Variants in THSD7A observed in about 807,000 individuals in gnomAD.
THSD7A encodes the protein thrombospondin type-1 domain-containing protein 7A.
Under a neutral mutation model 231.3 loss-of-function variants are expected in THSD7A, and 96 were observed. The observed-to-expected ratio is 0.41, with a 90% CI of 0.35 to 0.49. The LOEUF is 0.49. Ranked by LOEUF, THSD7A falls within the 20% of genes least tolerant of loss-of-function variation. The probability of loss-of-function intolerance (pLI) is 0.05; values close to 1 mark genes in which losing one functional copy is unlikely to be tolerated. For missense variants in THSD7A, 2,290 were observed against 2,070.2 expected, an observed-to-expected ratio of 1.11 and a Z score of -2.06; for synonymous variants, 940 against 743.3, an observed-to-expected ratio of 1.26 and a Z score of -4.30.
At chr7:11,563,272 T>C (rs16) in intron 4 of THSD7A, among the ~76,000 whole-genome samples, 85,382 of 152,064 alleles carry the variant, frequency 0.56, 24,280 homozygotes, top group Middle Eastern at 0.67. Flanking sequence ...ATATTTAAAA[T>C]AATGCTTGAG....
chr7:11,541,209 A>T (rs369689878), intron 6 of THSD7A, among the ~76,000 whole-genome samples: 2 of 152,298 alleles, frequency 1.3e-5, no homozygotes, highest in Admixed American at 6.5e-5. Flanking sequence ...TTATTTTGTT[A>T]CTATTCATGG....
chr7:11,546,157 G>C (rs911416043), intron 4 of THSD7A, among the ~76,000 whole-genome samples: 10 of 141,018 alleles, frequency 7.1e-5, no homozygotes, highest in African/African-American at 2.6e-4. Context: ...TTGTGCCAGG[G>C]CCCACCACCC....
intron 1 of THSD7A, among the ~76,000 whole-genome samples, chr7:11,684,491 G>T (rs935830539): frequency 6.6e-6 from 1 of 150,826 alleles, no homozygotes; most frequent in Non-Finnish European, 1.5e-5. Flanking sequence ...AAGCCCTAAA[G>T]ATTCCACTGT....
intron 1 of THSD7A, among the ~76,000 whole-genome samples, chr7:11,664,231 T>C (rs1187744320): frequency 6.6e-6 from 1 of 151,870 alleles, no homozygotes; most frequent in African/African-American, 2.4e-5. Flanking sequence ...AATAGAGTTC[T>C]TGAAGTACCT....
intron 1 of THSD7A, among the ~76,000 whole-genome samples, chr7:11,817,354 G>A (rs1388120245): frequency 6.6e-6 from 1 of 152,290 alleles, no homozygotes; most frequent in South Asian, 2.1e-4. Flanking sequence ...AGCATTGCCT[G>A]CATGGCTAAG....
chr7:11,437,297 C>T (rs758240673), intron 13 of THSD7A, among the ~76,000 whole-genome samples: 3 of 152,084 alleles, frequency 2.0e-5, no homozygotes, highest in Admixed American at 2.0e-4. Context: ...TCCCTCATCA[C>T]CTCCTCTGTG....
chr7:11,391,883 G>T (rs568819682), intron 23 of THSD7A, among the ~76,000 whole-genome samples: 2 of 152,134 alleles, frequency 1.3e-5, no homozygotes, highest in South Asian at 4.1e-4. Context: ...CCCAGGTGAG[G>T]CAATGCCCCA....
intron 6 of THSD7A, among the ~76,000 whole-genome samples, chr7:11,530,034 C>A (rs1788637700): frequency 6.6e-6 from 1 of 152,126 alleles, no homozygotes; most frequent in Non-Finnish European, 1.5e-5. Flanking sequence ...ATTTAAGGAA[C>A]TTGCCAAATA....
At chr7:11,820,196 C>T in intron 1 of THSD7A, 1 of 334,636 alleles carries the variant, frequency 3.0e-6, no homozygotes, top group Non-Finnish European at 5.6e-6. Context: ...ATCTGCATGG[C>T]TGGTGAGGGG....
At chr7:11,825,223 C>A (rs28536169) in intron 1 of THSD7A, among the ~76,000 whole-genome samples, 1 of 151,982 alleles carries the variant, frequency 6.6e-6, no homozygotes, top group Non-Finnish European at 1.5e-5. Flanking sequence ...CACGGTAGTA[C>A]GTACTTTCTA....
intron 1 of THSD7A, among the ~76,000 whole-genome samples, chr7:11,668,083 T>G (rs946286499): frequency 2.6e-5 from 4 of 152,122 alleles, no homozygotes; most frequent in Non-Finnish European, 5.9e-5. Flanking sequence ...ACCTGTCTTT[T>G]AAGCCTAGTG....
chr7:11,750,892 TAGAGTC>T (rs1301703016), intron 1 of THSD7A, among the ~76,000 whole-genome samples: 1 of 152,004 alleles, frequency 6.6e-6, no homozygotes, highest in Non-Finnish European at 1.5e-5. Context: ...TACTAGACAA[TAGAGTC>T]AAAGAGTCAC....
intron 6 of THSD7A, among the ~76,000 whole-genome samples, chr7:11,519,747 T>A (rs181461305): frequency 3.0e-4 from 45 of 152,330 alleles, no homozygotes; most frequent in Admixed American, 1.9e-3. Flanking sequence ...ATACCGATTT[T>A]AATAGTGTTC....
intron 6 of THSD7A, among the ~76,000 whole-genome samples, chr7:11,505,688 A>G (rs1787515285): frequency 6.6e-6 from 1 of 152,222 alleles, no homozygotes; most frequent in Non-Finnish European, 1.5e-5. Context: ...ATAAGAATGC[A>G]TACAACATTG....
chr7:11,415,394 T>C (rs144655127), intron 17 of THSD7A, among the ~76,000 whole-genome samples: 2,261 of 152,290 alleles, frequency 0.015, 68 homozygotes, highest in African/African-American at 0.051. Flanking sequence ...AACAAGGACA[T>C]ACCAATTATA....
rs1160136162 is a variant in THSD7A at position 11,444,562 on chromosome 7, T to A, written c.3064+1499A>T. On this transcript the variant is annotated intron_variant, in intron 13 of 27. Transcript: ENST00000423059. This position sits in a 1 kb window ranked among gnomAD's most constrained non-coding sequence, Gnocchi z 4.2. The stretch of plus-strand genomic sequence containing the variant: ...GTGAAAGTTGAACAATAAGAACACA[T>A]GGGCACAGGGAGGGGAACATCACAC... Among the ~76,000 whole-genome samples, 1 of 151,388 alleles carries A rather than the reference T, an allele frequency of 6.6e-6. No homozygotes were observed. The highest frequency in any genetic ancestry group is 6.6e-5 in the Admixed American group (1 of 15,172).
chr7:11,444,446 T>C lies in THSD7A; in HGVS notation c.3064+1615A>G, dbSNP rs183184233. Among the ~76,000 whole-genome samples the C allele has an allele frequency of 9.2e-5, 14 of 152,140 alleles. No individual in the cohort carries two copies. The highest frequency in any genetic ancestry group is 8.5e-4 in the Admixed American group (13 of 15,250). ...CTGGATAAAGAAAATGTGGCACATATACATCATAAAATGGATGAAGCTGGA... is the reference window on the plus strand; with the variant it reads ...CTGGATAAAGAAAATGTGGCACATACACATCATAAAATGGATGAAGCTGGA... On this transcript the variant is annotated intron_variant, in intron 13 of 27. Coordinates refer to ENST00000423059, the MANE Select transcript of THSD7A (RefSeq NM_015204.3). This position sits in a 1 kb window ranked among gnomAD's most constrained non-coding sequence, Gnocchi z 4.2.
intron 6 of THSD7A, among the ~76,000 whole-genome samples, chr7:11,496,218 A>C (rs749731870): frequency 3.3e-5 from 5 of 152,164 alleles, no homozygotes; most frequent in Admixed American, 6.5e-5. Context: ...AACTCTATGA[A>C]GTAGACATGA....
At chr7:11,587,931 G>C (rs779603805) in intron 4 of THSD7A, among the ~76,000 whole-genome samples, 1 of 152,014 alleles carries the variant, frequency 6.6e-6, no homozygotes, top group East Asian at 1.9e-4. Flanking sequence ...TTCACACCTT[G>C]GTTATATGTG....
Sources: allele counts gnomAD v4.1 joint callset (sites outside exome capture counted in the v4.1 genomes callset), GRCh38; gene constraint gnomAD v4.1.1; non-coding constraint Gnocchi (gnomAD v3.1); transcripts MANE v1.5; gene names NCBI Gene and HGNC (gene_info 2026-07-23, HGNC 2026-07-21).